TXNRD1: variants seen among roughly 807,000 people sequenced by gnomAD.
TXNRD1 encodes thioredoxin reductase 1, cytoplasmic.
A neutral mutation model predicts 80.3 loss-of-function variants in TXNRD1; 57 were observed. The ratio of observed to expected loss-of-function variants is 0.71; its 90% CI spans 0.57 to 0.89. The LOEUF (loss-of-function observed/expected upper bound fraction) is 0.89, where lower values mean the gene tolerates loss of function less well. TXNRD1 is among the 40% of genes least tolerant of loss of function. The pLI is 0.00. For missense variants in TXNRD1, 730 were observed against 803.0 expected (o/e 0.91, Z 1.10); for synonymous variants, 291 against 285.2 (o/e 1.02, Z -0.20).
intron 1 of TXNRD1, among the ~76,000 whole-genome samples, chr12:104,222,665 G>A (rs771426792): frequency 5.9e-5 from 9 of 152,102 alleles, no homozygotes; most frequent in East Asian, 1.9e-4. Flanking sequence ...CCAGTCTGGC[G>A]AACATGGTGA....
At chr12:104,308,572 A>G (rs140465856) in intron 4 of TXNRD1, among the ~76,000 whole-genome samples, 2 of 152,308 alleles carry the variant, frequency 1.3e-5, no homozygotes, top group African/African-American at 4.8e-5. Flanking sequence ...TATAGTAAAT[A>G]GATAAAACCC....
intron 3 of TXNRD1, chr12:104,265,542 C>T (rs1593724966): frequency 1.2e-6 from 2 of 1,610,302 alleles, no homozygotes; most frequent in Non-Finnish European, 1.7e-6. Flanking sequence ...TGAAGAACTT[C>T]AGGATCTGGC....
intron 4 of TXNRD1, among the ~76,000 whole-genome samples, chr12:104,308,950 T>C (rs1593806458): frequency 6.8e-6 from 1 of 146,810 alleles, no homozygotes. Context: ...CAGGCTGGAG[T>C]GCAGTGCCAT....
At chr12:104,254,644 A>AAAAAAAATATAT in intron 2 of TXNRD1, among the ~76,000 whole-genome samples, 3 of 93,644 alleles carry the variant, frequency 3.2e-5, no homozygotes, top group African/African-American at 1.0e-4. Flanking sequence ...AAAAAAAAAA[A>AAAAAAAATATAT]ATATATATAT....
At chr12:104,343,219 A>G (rs556320705) in intron 16 of TXNRD1, among the ~76,000 whole-genome samples, 5 of 152,314 alleles carry the variant, frequency 3.3e-5, no homozygotes, top group African/African-American at 1.2e-4. Flanking sequence ...AACCAAGGAC[A>G]AAGAGGTTGA....
chr12:104,268,428 G>A (rs1490776888), intron 3 of TXNRD1, among the ~76,000 whole-genome samples: 1 of 151,572 alleles, frequency 6.6e-6, no homozygotes, highest in Admixed American at 6.6e-5. Context: ...CGGAGGGTGA[G>A]GCAGGAGAGT....
intron 4 of TXNRD1, among the ~76,000 whole-genome samples, chr12:104,297,636 A>G (rs2034480985): frequency 6.6e-6 from 1 of 152,170 alleles, no homozygotes; most frequent in Admixed American, 6.5e-5. Flanking sequence ...AAGTGCTGAG[A>G]TTACAGGTGT....
rs1023379132 is a variant in TXNRD1, at chr12:104,252,202, T to C, written c.243+524T>C. 1.2e-3 allele frequency among the ~76,000 whole-genome samples: 182 copies of C among 152,088 alleles called. 1 individual carries two copies. The highest frequency in any genetic ancestry group is 4.2e-3 in the African/African-American group (174 of 41,482). On this transcript the variant is annotated intron_variant, in intron 2 of 16. Coordinates refer to ENST00000525566, the MANE Select transcript of TXNRD1 (RefSeq NM_001093771.3). ...GGAAGTATGAGACATATTCAGGTAGTCGAGGTCAGGGAAGGTTAGGGTGGG... is the reference window on the plus strand; with the variant it reads ...GGAAGTATGAGACATATTCAGGTAGCCGAGGTCAGGGAAGGTTAGGGTGGG...
At chr12:104,220,033 A>G (rs1204676179) in intron 1 of TXNRD1, among the ~76,000 whole-genome samples, 1 of 152,168 alleles carries the variant, frequency 6.6e-6, no homozygotes, top group African/African-American at 2.4e-5. Context: ...TTCTATTTGA[A>G]CCAAGGCCTG....
intron 10 of TXNRD1, 73 bp from the exon 11 acceptor site, chr12:104,325,264 A>T: frequency 1.7e-6 from 2 of 1,177,186 alleles, no homozygotes; most frequent in Admixed American, 2.0e-5. Context: ...GGTTAACCAG[A>T]TGGAAGGGGA....
chr12:104,280,630 C>G (rs983553944), intron 3 of TXNRD1: 1 of 152,218 alleles, frequency 6.6e-6, no homozygotes, highest in African/African-American at 2.4e-5. Context: ...ATGTGACTTA[C>G]AATGAAATCA....
At chr12:104,305,526 T>G (rs181555714) in intron 4 of TXNRD1, among the ~76,000 whole-genome samples, 1 of 152,304 alleles carries the variant, frequency 6.6e-6, no homozygotes, top group Non-Finnish European at 1.5e-5. Flanking sequence ...AGGTATCAGC[T>G]AAGGGTGAAA....
chr12:104,285,130 C>T (rs949440490), intron 3 of TXNRD1, among the ~76,000 whole-genome samples: 2 of 152,012 alleles, frequency 1.3e-5, no homozygotes, highest in South Asian at 2.1e-4. Context: ...AGCTGAGATG[C>T]GCCACTGCAC....
At chr12:104,237,551 G>T (rs527755305) in intron 1 of TXNRD1, among the ~76,000 whole-genome samples, 97 of 152,246 alleles carry the variant, frequency 6.4e-4, no homozygotes, top group African/African-American at 2.2e-3. Flanking sequence ...CCTAAAAAAC[G>T]CATACTACCC....
intron 16 of TXNRD1, chr12:104,345,932 C>T (rs1412637029): frequency 7.8e-7 from 1 of 1,285,936 alleles, no homozygotes; most frequent in Non-Finnish European, 1.0e-6. Context: ...GAGGCTGCCC[C>T]TTCTGCTCAT....
chr12:104,216,055 AG>A (rs1209632341), intron 1 of TXNRD1, among the ~76,000 whole-genome samples, 162 bp downstream of exon 1: 1 of 151,950 alleles, frequency 6.6e-6, no homozygotes, highest in Non-Finnish European at 1.5e-5. Flanking sequence ...ACGCTCCCCC[AG>A]GTCACCCCGG....
chr12:104,350,074 C>A lies in TXNRD1; in HGVS notation c.*1653C>A, dbSNP rs531949566. 3.9e-5 allele frequency: 6 copies of A among 152,252 alleles called. No individual in the cohort carries two copies. The highest frequency in any genetic ancestry group is 1.4e-4 in the African/African-American group (6 of 41,554). The allele number at this position is 152,252 out of a possible 1,614,324, so 9.4% of individuals were successfully genotyped here. A position where few individuals can be genotyped will look rare whatever the true frequency, so the allele number is the denominator to read the frequency against. ...AGAACAGTAGGCGGTATGAGATAATCAGGCCTAATCATGTTGTGATTCTCT... is the reference window on the plus strand; with the variant it reads ...AGAACAGTAGGCGGTATGAGATAATAAGGCCTAATCATGTTGTGATTCTCT... On this transcript the variant is annotated 3_prime_UTR_variant, in exon 17 of 17. Coordinates refer to ENST00000525566, the MANE Select transcript of TXNRD1 (RefSeq NM_001093771.3).
At position 104,325,728 on chromosome 12, in the gene TXNRD1, C is replaced by T. The variant is rs559419000; in HGVS notation, c.1308+299C>T. Among the ~76,000 whole-genome samples, 626 of 152,228 alleles carry T rather than the reference C, an allele frequency of 4.1e-3. 4 individuals are homozygous for T. Among genetic ancestry groups the T allele is most frequent in the Middle Eastern group, 0.017 (5 of 294 alleles). On this transcript the variant is annotated intron_variant, in intron 11 of 16. Transcript: ENST00000525566. ...CTCTACTAAAAATACAAAAATTAGCCGGGCGTGGTGGCGTGCGCCTGTAGT... is the reference window on the plus strand; with the variant it reads ...CTCTACTAAAAATACAAAAATTAGCTGGGCGTGGTGGCGTGCGCCTGTAGT...
At chr12:104,259,377 T>C (rs1203563042) in intron 3 of TXNRD1, among the ~76,000 whole-genome samples, 3 of 151,254 alleles carry the variant, frequency 2.0e-5, no homozygotes, top group Non-Finnish European at 4.4e-5. Context: ...TGAGACTCTG[T>C]CTCAGAACCA....
Sources: allele counts gnomAD v4.1 joint callset (sites outside exome capture counted in the v4.1 genomes callset), GRCh38; gene constraint gnomAD v4.1.1; transcripts MANE v1.5; gene names NCBI Gene and HGNC (gene_info 2026-07-23, HGNC 2026-07-21).